PAK2: variants seen among roughly 807,000 people sequenced by gnomAD.
PAK2 encodes serine/threonine-protein kinase PAK 2.
PAK2 carries 21 observed loss-of-function variants against 65.9 expected under a neutral mutation model. The ratio of observed to expected loss-of-function variants is 0.32; its 90% CI spans 0.23 to 0.46. The LOEUF (loss-of-function observed/expected upper bound fraction) is 0.46. Ranked by LOEUF, PAK2 falls within the 20% of genes least tolerant of loss-of-function variation. The pLI, the probability that PAK2 is intolerant of heterozygous loss-of-function variation, is 1.00. For missense variants in PAK2, 324 were observed against 642.6 expected (o/e 0.50, Z 5.36); for synonymous variants, 204 against 219.7 (o/e 0.93, Z 0.63).
intron 11 of PAK2, among the ~76,000 whole-genome samples, chr3:196,815,120 C>T (rs1456859376): frequency 4.0e-5 from 6 of 151,596 alleles, no homozygotes; most frequent in Admixed American, 3.3e-4. Flanking sequence ...GTGGAGCTTG[C>T]AGTGAGCCGA....
chr3:196,767,909 G>C (rs926126330), intron 1 of PAK2, among the ~76,000 whole-genome samples: 3 of 152,030 alleles, frequency 2.0e-5, no homozygotes, highest in African/African-American at 7.3e-5. Context: ...CTCATCATAT[G>C]GACTCTGCTG....
intron 1 of PAK2, among the ~76,000 whole-genome samples, chr3:196,767,408 A>G (rs1714204920): frequency 1.1e-5 from 1 of 92,028 alleles, no homozygotes; most frequent in African/African-American, 3.4e-5. Context: ...GAATTTTAGG[A>G]GGAAAAAATC....
intron 2 of PAK2, among the ~76,000 whole-genome samples, chr3:196,795,749 A>G (rs1461407173): frequency 3.9e-5 from 6 of 152,222 alleles, no homozygotes; most frequent in Non-Finnish European, 7.3e-5. Context: ...GTGTATCGTC[A>G]GCAGACAGAC....
chr3:196,786,361 T>G (rs1296576004), intron 2 of PAK2, among the ~76,000 whole-genome samples: 1 of 151,918 alleles, frequency 6.6e-6, no homozygotes, highest in African/African-American at 2.4e-5. Flanking sequence ...CAGGGTTTCA[T>G]CATGTTGGCC....
chr3:196,794,274 G>GT (rs890005327), intron 2 of PAK2, among the ~76,000 whole-genome samples: 1 of 152,272 alleles, frequency 6.6e-6, no homozygotes, highest in African/African-American at 2.4e-5. Flanking sequence ...TAAAATGGTG[G>GT]TGTAGAAGCA....
intron 1 of PAK2, among the ~76,000 whole-genome samples, chr3:196,743,019 C>G (rs749489290): frequency 1.3e-5 from 2 of 152,174 alleles, no homozygotes; most frequent in Non-Finnish European, 2.9e-5. Context: ...CCAGACTAAT[C>G]AGAGGGAGGG....
chr3:196,818,167 A>G lies in PAK2; in HGVS notation c.1153+11A>G. ...GATCTGTTAAGCTCAGTGAGTAACA[A>G]ATGGACAATTCACAATCATTTATTA... On this transcript the variant is annotated intron_variant, in intron 12 of 14. Coordinates refer to ENST00000327134, the MANE Select transcript of PAK2 (RefSeq NM_002577.4). 2.1e-6 allele frequency: 2 copies of G among 958,600 alleles called. No individual in the cohort carries two copies. Among genetic ancestry groups the G allele is most frequent in the South Asian group, 1.3e-5 (1 of 74,112 alleles). 59.4% of individuals were successfully genotyped at this position (958,600 alleles called of 1,614,324 possible). A position where few individuals can be genotyped will look rare whatever the true frequency, so the allele number is the denominator to read the frequency against.
intron 2 of PAK2, among the ~76,000 whole-genome samples, chr3:196,797,528 T>G (rs1285839322): frequency 6.6e-6 from 1 of 151,332 alleles, no homozygotes; most frequent in Admixed American, 6.6e-5. Context: ...CCGAAGTGGG[T>G]GGATCATGAG....
chr3:196,779,950 C>T (rs1006730465), intron 1 of PAK2, among the ~76,000 whole-genome samples: 5 of 152,218 alleles, frequency 3.3e-5, no homozygotes, highest in African/African-American at 4.8e-5. Context: ...CGTGAGCCAC[C>T]GCGCCCAGCC....
intron 1 of PAK2, among the ~76,000 whole-genome samples, chr3:196,744,480 G>A (rs1229680407): frequency 6.6e-6 from 1 of 152,192 alleles, no homozygotes; most frequent in African/African-American, 2.4e-5. Flanking sequence ...TGGAGGTATA[G>A]TGAGCTATGA....
At chr3:196,745,971 C>A (rs543975049) in intron 1 of PAK2, among the ~76,000 whole-genome samples, 1 of 151,514 alleles carries the variant, frequency 6.6e-6, no homozygotes, top group African/African-American at 2.4e-5. Flanking sequence ...TCTATGGTTA[C>A]AATATTTAAC....
chr3:196,804,845 A>C (rs1233290397), intron 4 of PAK2, among the ~76,000 whole-genome samples: 1 of 149,676 alleles, frequency 6.7e-6, no homozygotes, highest in African/African-American at 2.5e-5. Flanking sequence ...ATATATATAT[A>C]CACACACACA....
At position 196,808,067 on chromosome 3, in the gene PAK2, G is replaced by T. The variant is rs1009444438; in HGVS notation, c.709+153G>T. The T allele has an allele frequency of 4.6e-6, 3 of 649,622 alleles. No individual in the cohort carries two copies. The African/African-American group carries it at 5.6e-5, about 12-fold the overall frequency. The allele number at this position is 649,622 out of a possible 1,614,324, so 40.2% of individuals were successfully genotyped here. A position where few individuals can be genotyped will look rare whatever the true frequency, so the allele number is the denominator to read the frequency against. ...CAACAGTAGCTTCAATTACAATCTG[G>T]TGATGTCACCAGGTTCACCCCTAAA... On this transcript the variant is annotated intron_variant, in intron 7 of 14. Coordinates refer to ENST00000327134, the MANE Select transcript of PAK2 (RefSeq NM_002577.4).
chr3:196,751,741 C>CTTTT lies in PAK2; in HGVS notation c.-22+11601_-22+11604dup, dbSNP rs200558658. ...GCATTTATGAAACACAAATGAATTT[C>CTTTT]TTTTTTTTTTTTTTTTTTTTGAGAC... On this transcript the variant is annotated intron_variant, in intron 1 of 14. Coordinates refer to ENST00000327134, the MANE Select transcript of PAK2 (RefSeq NM_002577.4). Among the ~76,000 whole-genome samples, 7 of 79,300 alleles carry CTTTT rather than the reference C, an allele frequency of 8.8e-5. 1 individual carries two copies. The highest frequency in any genetic ancestry group is 3.8e-4 in the African/African-American group (6 of 15,998). The allele number at this position is 79,300 out of a possible 152,430, so 52.0% of individuals were successfully genotyped here.
chr3:196,744,252 T>C lies in PAK2; in HGVS notation c.-22+4095T>C, dbSNP rs543759251. On this transcript the variant is annotated intron_variant, in intron 1 of 14. Transcript: ENST00000327134. ...GTAGAAAAAAATATTAAATAAGAAA[T>C]TTGGAAAGTGGTAAAAACTTTTAAG... Among the ~76,000 whole-genome samples, 15 of 152,188 alleles carry C rather than the reference T, an allele frequency of 9.9e-5. 1 individual carries two copies. The South Asian group carries it at 3.1e-3, about 32-fold the overall frequency.
intron 1 of PAK2, among the ~76,000 whole-genome samples, chr3:196,772,337 C>T (rs1319422519): frequency 2.0e-5 from 3 of 152,080 alleles, no homozygotes; most frequent in African/African-American, 7.2e-5. Context: ...AGTCAGAATC[C>T]CTCGAGAATA....
rs368101820 is a variant in PAK2, at chr3:196,815,110, G to A, written c.1053+542G>A. ...CAGGAGAATGGCGTGAACCTGGGAG[G>A]TGGAGCTTGCAGTGAGCCGAGATCA... On this transcript the variant is annotated intron_variant, in intron 11 of 14. Transcript: ENST00000327134. 2.8e-4 allele frequency among the ~76,000 whole-genome samples: 43 copies of A among 151,416 alleles called. No individual in the cohort carries two copies. The South Asian group carries it at 2.9e-3, about 10-fold the overall frequency.
rs1228871147 is a variant in PAK2, at chr3:196,751,665, A to T, written c.-22+11508A>T. ...GTCCCCCCAAAAAACACACAAATTT[A>T]TTTATATACATATATATATATATAT... On this transcript the variant is annotated intron_variant, in intron 1 of 14. Coordinates refer to ENST00000327134, the MANE Select transcript of PAK2 (RefSeq NM_002577.4). 2.6e-3 allele frequency among the ~76,000 whole-genome samples: 76 copies of T among 29,238 alleles called. 1 individual carries two copies. The highest frequency in any genetic ancestry group is 0.012 in the African/African-American group (66 of 5,626). The allele number at this position is 29,238 out of a possible 152,430, so 19.2% of individuals were successfully genotyped here.
chr3:196,780,056 C>G (rs1296792159), intron 1 of PAK2, among the ~76,000 whole-genome samples: 1 of 152,204 alleles, frequency 6.6e-6, no homozygotes, highest in Non-Finnish European at 1.5e-5. Flanking sequence ...TTAGGAATAG[C>G]CAGCTGCATG....
Sources: gnomAD v4.1 joint callset for allele counts (sites outside exome capture counted in the v4.1 genomes callset) on GRCh38, gnomAD v4.1.1 for gene constraint, MANE v1.5 for transcripts, NCBI Gene and HGNC (gene_info 2026-07-23, HGNC 2026-07-21) for gene names.